The following VPS33A variants were observed in gnomAD, a reference collection of about 807,000 sequenced individuals.
The protein encoded by VPS33A is VPS33A core subunit of CORVET and HOPS complexes, also known as vacuolar protein sorting-associated protein 33A.
Under a neutral mutation model 71.8 loss-of-function variants are expected in VPS33A, and 32 were observed. That is an observed-to-expected ratio of 0.45 (90% CI 0.34 to 0.60). The LOEUF is 0.60. VPS33A is among the 20% of genes least tolerant of loss of function. The pLI is 0.02. For missense variants in VPS33A, 625 were observed against 748.5 expected, an observed-to-expected ratio of 0.84 and a Z score of 1.92; for synonymous variants, 311 against 292.7, an observed-to-expected ratio of 1.06 and a Z score of -0.64.
chr12:122,247,433 C>T (rs551192470), intron 6 of VPS33A, among the ~76,000 whole-genome samples: 138 of 152,188 alleles, frequency 9.1e-4, no homozygotes, highest in Admixed American at 2.7e-3. Context: ...CACAACCCAG[C>T]ATAGGGCTCT....
intron 1 of VPS33A, 138 bp downstream of exon 1, chr12:122,266,169 A>G (rs1955067961): frequency 7.8e-7 from 1 of 1,275,600 alleles, no homozygotes; most frequent in South Asian, 1.5e-5. Flanking sequence ...ACAGGGGTGC[A>G]GGTAAAAGGG....
rs778182298 is a variant in VPS33A, at chr12:122,242,368, C to A, written c.1096+14G>T. On this transcript the variant is annotated intron_variant, in intron 8 of 12. Transcript: ENST00000267199. ...TAGCCCCAGACTGAAACAATCATTA[C>A]AAAGGATACTCACTAGTGACATCTT... 6.2e-6 allele frequency: 10 copies of A among 1,609,436 alleles called. No individual in the cohort carries two copies. The South Asian group carries it at 1.1e-4, about 18-fold the overall frequency.
chr12:122,251,919 A>AT (rs958212602), intron 4 of VPS33A, among the ~76,000 whole-genome samples: 2 of 142,968 alleles, frequency 1.4e-5, no homozygotes, highest in African/African-American at 6.0e-5. Context: ...AACTTAAAGT[A>AT]TAAAAAAAAA....
intron 8 of VPS33A, among the ~76,000 whole-genome samples, chr12:122,240,773 T>C (rs1010533109): frequency 6.6e-6 from 1 of 152,214 alleles, no homozygotes; most frequent in Non-Finnish European, 1.5e-5. Context: ...ACTCAACATA[T>C]ACTCTTTGTA....
At chr12:122,259,660 A>G (rs1333818306) in intron 4 of VPS33A, among the ~76,000 whole-genome samples, 1 of 152,146 alleles carries the variant, frequency 6.6e-6, no homozygotes, top group African/African-American at 2.4e-5. Context: ...TATCATTACA[A>G]TGGAATACTA....
chr12:122,238,772 C>CAG (rs1334424350), intron 9 of VPS33A, 48 bp from the exon 10 acceptor site: 3 of 227,466 alleles, frequency 1.3e-5, no homozygotes, highest in Non-Finnish European at 2.1e-5. Context: ...CATATACATA[C>CAG]ACACACACAC....
intron 6 of VPS33A, chr12:122,248,077 T>TGTGTGTGC (rs1456654787): frequency 6.6e-6 from 1 of 151,920 alleles, no homozygotes; most frequent in African/African-American, 2.4e-5. Flanking sequence ...TGTGTGTGTG[T>TGTGTGTGC]GTGTGTGTAT....
chr12:122,240,437 C>G (rs761343770), intron 8 of VPS33A, among the ~76,000 whole-genome samples: 32 of 152,168 alleles, frequency 2.1e-4, no homozygotes, highest in Non-Finnish European at 4.4e-4. Flanking sequence ...CCTCTGCACT[C>G]CTAAGTTACA....
intron 4 of VPS33A, among the ~76,000 whole-genome samples, chr12:122,259,187 G>A (rs200393323): frequency 4.9e-4 from 71 of 144,744 alleles, no homozygotes; most frequent in African/African-American, 1.7e-3. Flanking sequence ...GTATGTATGT[G>A]TGTATGTATG....
At chr12:122,235,546 G>T (rs572217727) in intron 11 of VPS33A, among the ~76,000 whole-genome samples, 14 of 152,094 alleles carry the variant, frequency 9.2e-5, no homozygotes, top group Non-Finnish European at 1.6e-4. Flanking sequence ...TTATAGGTGT[G>T]AGCCACCGCG....
At position 122,264,122 on chromosome 12, in the gene VPS33A, T is replaced by A; in HGVS notation, c.168+12A>T. ...TATTAATCCCCTAACAAAACCCAAA[T>A]AGCTCATTTACCTTCAATAGTGAAT... On this transcript the variant is annotated intron_variant, in intron 2 of 12. Coordinates refer to ENST00000267199, the MANE Select transcript of VPS33A (RefSeq NM_022916.6). The A allele has an allele frequency of 6.6e-7, 1 of 1,513,404 alleles. No individual in the cohort carries two copies. The highest frequency in any genetic ancestry group is 8.9e-7 in the Non-Finnish European group (1 of 1,117,434). 93.7% of individuals were successfully genotyped at this position (1,513,404 alleles called of 1,614,324 possible). A position where few individuals can be genotyped will look rare whatever the true frequency, so the allele number is the denominator to read the frequency against.
Position 122,266,306 on chromosome 12 carries a change from C to A in VPS33A, c.102+1G>T. 6.2e-7 allele frequency: 1 copy of A among 1,611,072 alleles called. No individual in the cohort carries two copies. The highest frequency in any genetic ancestry group is 8.5e-7 in the Non-Finnish European group (1 of 1,179,854). On this transcript the variant is annotated splice_donor_variant, in intron 1 of 12. Coordinates refer to ENST00000267199, the MANE Select transcript of VPS33A (RefSeq NM_022916.6). LOFTEE classifies it high-confidence loss of function. ...CGGTGTCGCTGCCTCCCGCCCCTCA[C>A]CTTGCTTCCTGCGCACTTGTCCAGG...
intron 8 of VPS33A, chr12:122,241,194 T>C (rs1954709657): frequency 6.6e-6 from 1 of 152,038 alleles, no homozygotes; most frequent in Non-Finnish European, 1.5e-5. Flanking sequence ...CAGATTATGA[T>C]GGCAAACTTA....
chr12:122,235,468 TAGTC>T (rs995102447), intron 11 of VPS33A, among the ~76,000 whole-genome samples: 2 of 152,014 alleles, frequency 1.3e-5, no homozygotes, highest in Non-Finnish European at 2.9e-5. Context: ...TTTCCCATGT[TAGTC>T]AGGCTGTTCT....
chr12:122,232,219 A>G lies in VPS33A; in HGVS notation c.*27T>C. ...TCAAAGAGGTAGTTTATTCTGCAGTACACTTGTTAAGTCTCCTCTGAACAT... is the reference window on the plus strand; with the variant it reads ...TCAAAGAGGTAGTTTATTCTGCAGTGCACTTGTTAAGTCTCCTCTGAACAT... On this transcript the variant is annotated 3_prime_UTR_variant, in exon 13 of 13. Coordinates refer to ENST00000267199, the MANE Select transcript of VPS33A (RefSeq NM_022916.6). 1 of 1,588,298 alleles carries G rather than the reference A, an allele frequency of 6.3e-7. No individual in the cohort carries two copies. Among genetic ancestry groups the G allele is most frequent in the Non-Finnish European group, 8.6e-7 (1 of 1,167,828 alleles).
At chr12:122,246,808 G>C (rs1954783398) in intron 6 of VPS33A, among the ~76,000 whole-genome samples, 1 of 152,126 alleles carries the variant, frequency 6.6e-6, no homozygotes, top group African/African-American at 2.4e-5. Flanking sequence ...CACTATGTTG[G>C]TCAGGCTGGT....
intron 6 of VPS33A, among the ~76,000 whole-genome samples, chr12:122,247,668 T>C (rs1375149481): frequency 2.0e-5 from 3 of 152,322 alleles, no homozygotes; most frequent in Non-Finnish European, 2.9e-5. Context: ...TACTTTGTTT[T>C]ACAGTGAATG....
rs755567812 is a variant in VPS33A at position 122,238,740 on chromosome 12, C to CATACAT, written c.1165-22_1165-17dup. The CATACAT allele has an allele frequency of 1.3e-6, 2 of 1,577,996 alleles. No individual in the cohort carries two copies. The highest frequency in any genetic ancestry group is 1.1e-5 in the South Asian group (1 of 90,098). On this transcript the variant is annotated splice_polypyrimidine_tract_variant and intron_variant, in intron 9 of 12. Transcript: ENST00000267199. ...AATTGTTGACCTGGAAATAAAGTAG[C>CATACAT]ATACATATACATATACATTTACATA...
intron 9 of VPS33A, 85 bp downstream of exon 9, chr12:122,239,793 A>T: frequency 1.4e-6 from 1 of 720,130 alleles, no homozygotes; most frequent in East Asian, 3.8e-5. Flanking sequence ...AAGGCATGGG[A>T]ATCAAAGCAA....
Sources: gnomAD v4.1 joint callset for allele counts (sites outside exome capture counted in the v4.1 genomes callset) on GRCh38, gnomAD v4.1.1 for gene constraint, MANE v1.5 for transcripts, NCBI Gene and HGNC (gene_info 2026-07-23, HGNC 2026-07-21) for gene names.